The following SENP2 variants were observed in gnomAD, a reference collection of about 807,000 sequenced individuals.
SENP2 encodes SUMO specific peptidase 2, also known as sentrin-specific protease 2.
Under a neutral mutation model 86.3 loss-of-function variants are expected in SENP2, and 16 were observed. The ratio of observed to expected loss-of-function variants is 0.19; its 90% CI spans 0.13 to 0.28. SENP2 has a LOEUF of 0.28. SENP2 is among the 10% of genes least tolerant of loss of function. SENP2 has a pLI of 1.00. For synonymous variants in SENP2, 222 were observed against 238.7 expected (o/e 0.93, Z 0.64); for missense variants, 552 against 703.0 (o/e 0.79, Z 2.43).
intron 15 of SENP2, among the ~76,000 whole-genome samples, chr3:185,625,559 A>G (rs1712107153): frequency 6.6e-6 from 1 of 152,142 alleles, no homozygotes; most frequent in Admixed American, 6.6e-5. Flanking sequence ...AGGGCAACAC[A>G]GGCCTGGAGA....
At chr3:185,601,026 ATTTTC>A (rs1722326599) in intron 5 of SENP2, among the ~76,000 whole-genome samples, 171 bp downstream of exon 5, 1 of 110,644 alleles carries the variant, frequency 9.0e-6, no homozygotes, top group Non-Finnish European at 1.9e-5. Context: ...GGTGTGTTAT[ATTTTC>A]TTTTCTTGTC....
At position 185,619,496 on chromosome 3, in the gene SENP2, C is replaced by G; in HGVS notation, c.1440C>G (p.Ser480Arg). Residue 480 changes from serine to arginine, a missense_variant, in exon 13 of 17, where the codon AGC (serine) becomes AGG (arginine). This residue lies in a region of SENP2 where 169 missense variants were observed against 275.7 expected (regional missense o/e 0.61). Coordinates refer to ENST00000296257, the MANE Select transcript of SENP2 (RefSeq NM_021627.3). ...CTATTCATCGGAAGGTACATTGGAGCCTGGTGGTGAGTAGAGAGGGTTAAT... is the reference window on the plus strand; with the variant it reads ...CTATTCATCGGAAGGTACATTGGAGGCTGGTGGTGAGTAGAGAGGGTTAAT... ...LVPIHRKVHW[S>R]LVVIDLRKKC... The G allele has an allele frequency of 6.2e-7, 1 of 1,613,496 alleles. No individual in the cohort carries two copies. Among genetic ancestry groups the G allele is most frequent in the Non-Finnish European group, 8.5e-7 (1 of 1,179,606 alleles).
chr3:185,614,746 G>A lies in SENP2; in HGVS notation c.1110+6G>A. 6.2e-7 allele frequency: 1 copy of A among 1,612,954 alleles called. No individual in the cohort carries two copies. The highest frequency in any genetic ancestry group is 8.5e-7 in the Non-Finnish European group (1 of 1,179,370). Reference sequence around the variant, plus strand: ...ATCTCCTTGAACTTACAGAGGTATTGTTCTTTGTATTGATCCTAAAAAGAG... The same window carrying A: ...ATCTCCTTGAACTTACAGAGGTATTATTCTTTGTATTGATCCTAAAAAGAG... On this transcript the variant is annotated splice_donor_region_variant and intron_variant, in intron 11 of 16. Transcript: ENST00000296257.
intron 8 of SENP2, chr3:185,612,154 C>CAAA (rs1000368377): frequency 8.5e-5 from 7 of 82,274 alleles, no homozygotes; most frequent in Admixed American, 1.3e-4. Context: ...GACTCTGTCT[C>CAAA]AAAAAAAAAA....
intron 9 of SENP2, 27 bp from the exon 10 acceptor site, chr3:185,613,318 C>T: frequency 7.5e-7 from 1 of 1,332,442 alleles, no homozygotes; most frequent in Non-Finnish European, 1.1e-6. Context: ...TAGCAGAAGT[C>T]TATCATCTCT....
chr3:185,633,462 T>C lies in SENP2; in HGVS notation c.*3618T>C, dbSNP rs1256007180. On this transcript the variant is annotated 3_prime_UTR_variant, in exon 17 of 17. Transcript: ENST00000296257. ...TGCTTTGATAATTTTTTTCTTTTAA[T>C]TTACCTAATATATATAAGGAAGGGG... 2.6e-5 allele frequency: 4 copies of C among 152,216 alleles called. No homozygotes were observed. Among genetic ancestry groups the C allele is most frequent in the Non-Finnish European group, 5.9e-5 (4 of 68,038 alleles). The allele number at this position is 152,216 out of a possible 1,614,324, so 9.4% of individuals were successfully genotyped here.
chr3:185,613,444 T>A (rs751353186), intron 10 of SENP2, 36 bp downstream of exon 10: 1 of 1,291,708 alleles, frequency 7.7e-7, no homozygotes, highest in South Asian at 1.2e-5. Flanking sequence ...GATACCTGTT[T>A]ACTTATGTAA....
At chr3:185,605,931 G>A (rs991337538) in intron 5 of SENP2, among the ~76,000 whole-genome samples, 2 of 152,134 alleles carry the variant, frequency 1.3e-5, no homozygotes, top group African/African-American at 4.8e-5. Flanking sequence ...TCTTTTCATG[G>A]AATTTAAAGT....
At chr3:185,607,576 T>C (rs954670264) in intron 6 of SENP2, among the ~76,000 whole-genome samples, 5 of 152,126 alleles carry the variant, frequency 3.3e-5, no homozygotes, top group African/African-American at 4.8e-5. Flanking sequence ...GTGATCCACC[T>C]ACCTCAGCCT....
At chr3:185,604,272 T>C (rs1045911148) in intron 5 of SENP2, among the ~76,000 whole-genome samples, 1 of 152,244 alleles carries the variant, frequency 6.6e-6, no homozygotes, top group Non-Finnish European at 1.5e-5. Flanking sequence ...CTAGTTTAAT[T>C]CTATTATGGT....
At chr3:185,612,559 AT>A in intron 8 of SENP2, 47 bp from the exon 9 acceptor site, 1 of 1,301,888 alleles carries the variant, frequency 7.7e-7, no homozygotes, top group Non-Finnish European at 1.1e-6. Context: ...TAACTATATT[AT>A]TCATCGATGA....
At chr3:185,588,768 G>T (rs186151196) in intron 1 of SENP2, among the ~76,000 whole-genome samples, 1 of 152,178 alleles carries the variant, frequency 6.6e-6, no homozygotes, top group Non-Finnish European at 1.5e-5. Context: ...GGTAGTATTT[G>T]TCTGTCCTAC....
At chr3:185,592,656 G>T (rs978876550) in intron 2 of SENP2, among the ~76,000 whole-genome samples, 47 of 146,644 alleles carry the variant, frequency 3.2e-4, no homozygotes, top group African/African-American at 1.2e-3. Context: ...TTGCTCTGTT[G>T]CTCAGGCTGG....
At chr3:185,590,381 C>T (rs1391015759) in intron 2 of SENP2, among the ~76,000 whole-genome samples, 1 of 151,718 alleles carries the variant, frequency 6.6e-6, no homozygotes, top group Non-Finnish European at 1.5e-5. Context: ...AACCCTGTCT[C>T]TACTAAAAAT....
intron 5 of SENP2, among the ~76,000 whole-genome samples, chr3:185,603,387 T>C (rs985467600): frequency 2.0e-5 from 3 of 152,162 alleles, no homozygotes; most frequent in African/African-American, 7.2e-5. Flanking sequence ...GCAAAAACGA[T>C]AGACTCTAAT....
intron 4 of SENP2, among the ~76,000 whole-genome samples, chr3:185,599,432 G>A (rs1397319312): frequency 2.6e-5 from 4 of 152,098 alleles, no homozygotes. Context: ...AGTTATCACA[G>A]TTTTATGGAC....
In SENP2 at chr3:185,587,827, T is replaced by C. The variant is rs1721845292; in HGVS notation, c.101+1313T>C. Among the ~76,000 whole-genome samples, 6 of 144,638 alleles carry C rather than the reference T, an allele frequency of 4.1e-5. No individual in the cohort carries two copies. In the South Asian group the frequency reaches 1.4e-3, roughly 33 times the overall value. 94.9% of individuals were successfully genotyped at this position (144,638 alleles called of 152,430 possible). On this transcript the variant is annotated intron_variant, in intron 1 of 16. Coordinates refer to ENST00000296257, the MANE Select transcript of SENP2 (RefSeq NM_021627.3). ...TCAGCTCACTGCAACCTCTGCCCAC[T>C]GGGTTCAGGCGATTCTTCTGCCTCA...
At chr3:185,621,949 C>G (rs768887352) in intron 14 of SENP2, 44 bp downstream of exon 14, 1 of 1,294,288 alleles carries the variant, frequency 7.7e-7, no homozygotes, top group Non-Finnish European at 1.1e-6. Flanking sequence ...TTGAGGTGAT[C>G]TCTCTTTTAT....
intron 12 of SENP2, among the ~76,000 whole-genome samples, chr3:185,618,233 C>T (rs977348238): frequency 7.9e-5 from 12 of 152,282 alleles, no homozygotes; most frequent in Non-Finnish European, 1.2e-4. Context: ...CGTGAGCCAC[C>T]GTGCCTGGCC....
Sources: allele counts gnomAD v4.1 joint callset (sites outside exome capture counted in the v4.1 genomes callset), GRCh38; gene constraint gnomAD v4.1.1; regional missense constraint gnomAD v4.1.1; transcripts MANE v1.5; gene names NCBI Gene and HGNC (gene_info 2026-07-23, HGNC 2026-07-21).